The following NAV2 variants were observed in gnomAD, a reference collection of about 807,000 sequenced individuals.
NAV2 encodes neuron navigator 2.
Under a neutral mutation model 223.2 loss-of-function variants are expected in NAV2, and 54 were observed. That is an observed-to-expected ratio of 0.24 (90% confidence interval 0.19 to 0.30). NAV2 has a LOEUF of 0.30. Ranked by LOEUF, NAV2 falls within the 10% of genes least tolerant of loss-of-function variation. The probability of loss-of-function intolerance (pLI) is 1.00; values close to 1 mark genes in which losing one functional copy is unlikely to be tolerated. For synonymous variants in NAV2, 1,279 were observed against 1,239.3 expected (o/e 1.03, Z -0.67); for missense variants, 2,806 against 3,147.5 (o/e 0.89, Z 2.60).
At chr11:19,585,565 G>A (rs1392838301) in intron 1 of NAV2, among the ~76,000 whole-genome samples, 2 of 152,052 alleles carry the variant, frequency 1.3e-5, no homozygotes, top group Non-Finnish European at 2.9e-5. Context: ...CTCTTTTAGG[G>A]CAGGCCTGGT....
intron 1 of NAV2, among the ~76,000 whole-genome samples, chr11:19,682,500 G>A (rs2048907609): frequency 6.6e-6 from 1 of 152,180 alleles, no homozygotes; most frequent in African/African-American, 2.4e-5. Context: ...TGGGAGGCTG[G>A]TATTGTGTCA....
intron 8 of NAV2, among the ~76,000 whole-genome samples, chr11:19,943,665 T>G (rs986814566): frequency 2.6e-5 from 4 of 152,158 alleles, no homozygotes; most frequent in African/African-American, 9.7e-5. Context: ...CTGATGTCAA[T>G]TCTACTTGCT....
At chr11:19,767,765 C>T (rs1397086803) in intron 1 of NAV2, among the ~76,000 whole-genome samples, 1 of 152,206 alleles carries the variant, frequency 6.6e-6, no homozygotes, top group Admixed American at 6.5e-5. Flanking sequence ...ACATATTTTC[C>T]AGGGAAGACC....
chr11:20,094,061 G>A (rs1373897973), intron 29 of NAV2, among the ~76,000 whole-genome samples: 2 of 152,152 alleles, frequency 1.3e-5, no homozygotes, highest in African/African-American at 2.4e-5. Flanking sequence ...TCAGCTTTGC[G>A]GCTGGCTTGC....
chr11:19,589,268 A>G (rs956630669), intron 1 of NAV2, among the ~76,000 whole-genome samples: 13 of 152,206 alleles, frequency 8.5e-5, no homozygotes, highest in Admixed American at 3.9e-4. Flanking sequence ...CGAACAAACA[A>G]AAAAAACCTC....
chr11:19,644,008 T>G (rs912988482), intron 1 of NAV2, among the ~76,000 whole-genome samples: 1 of 152,244 alleles, frequency 6.6e-6, no homozygotes, highest in Non-Finnish European at 1.5e-5. Context: ...ATAAGTATCT[T>G]GGGTTAGTAA....
chr11:19,520,017 CTCTT>C (rs1323387952), intron 1 of NAV2: 11 of 152,354 alleles, frequency 7.2e-5, no homozygotes, highest in African/African-American at 2.4e-4. Context: ...GGAGGGATAA[CTCTT>C]TCTCTCTGGC....
At chr11:19,392,879 T>C (rs1849303920) in intron 1 of NAV2, among the ~76,000 whole-genome samples, 1 of 152,218 alleles carries the variant, frequency 6.6e-6, no homozygotes, top group South Asian at 2.1e-4. Context: ...GTTATCTTTC[T>C]TATTTACAAT....
chr11:19,492,336 C>T (rs1297519038), intron 1 of NAV2, among the ~76,000 whole-genome samples: 1 of 151,514 alleles, frequency 6.6e-6, no homozygotes, highest in African/African-American at 2.4e-5. Flanking sequence ...CACAATGAAA[C>T]AAGGTATGCC....
intron 1 of NAV2, among the ~76,000 whole-genome samples, chr11:19,387,376 T>A (rs540731586): frequency 6.0e-4 from 91 of 152,156 alleles, no homozygotes; most frequent in African/African-American, 2.1e-3. Flanking sequence ...GAGAAAGGGC[T>A]GCATAAAGAC....
chr11:19,621,128 A>G (rs2046981025), intron 1 of NAV2, among the ~76,000 whole-genome samples: 1 of 152,184 alleles, frequency 6.6e-6, no homozygotes, highest in African/African-American at 2.4e-5. Context: ...ATCATGATGG[A>G]TAAGCTTTTC....
chr11:19,876,760 C>G (rs564704096), intron 4 of NAV2, among the ~76,000 whole-genome samples: 345 of 151,826 alleles, frequency 2.3e-3, no homozygotes, highest in Non-Finnish European at 4.3e-3. Context: ...CCCTGATCCT[C>G]CAGGTATGCT....
chr11:19,867,634 A>AG (rs1555108913), intron 3 of NAV2, among the ~76,000 whole-genome samples: 2 of 152,150 alleles, frequency 1.3e-5, no homozygotes, highest in Admixed American at 1.3e-4. Flanking sequence ...CCAGATGAGG[A>AG]CCTTGAAGTG....
rs557853550 is a variant in NAV2 at position 20,121,445 on chromosome 11, T to C, written c.*3187T>C. 6.5e-6 allele frequency: 1 copy of C among 152,678 alleles called. No homozygotes were observed. The highest frequency in any genetic ancestry group is 2.1e-4 in the South Asian group (1 of 4,820). The allele number at this position is 152,678 out of a possible 1,614,324, so 9.5% of individuals were successfully genotyped here. A position where few individuals can be genotyped will look rare whatever the true frequency, so the allele number is the denominator to read the frequency against. Reference sequence around the variant, plus strand: ...CCCCTTCCTCCTCCCCTCCTCTCTCTCTCTTCCTACCTATTTAATTTTCAT... The same window carrying C: ...CCCCTTCCTCCTCCCCTCCTCTCTCCCTCTTCCTACCTATTTAATTTTCAT... On this transcript the variant is annotated 3_prime_UTR_variant, in exon 38 of 38. Coordinates refer to ENST00000349880, the MANE Select transcript of NAV2 (RefSeq NM_145117.5).
At chr11:19,425,651 A>C (rs1850797981) in intron 1 of NAV2, among the ~76,000 whole-genome samples, 1 of 152,236 alleles carries the variant, frequency 6.6e-6, no homozygotes, top group African/African-American at 2.4e-5. Flanking sequence ...GGTTCAGTGC[A>C]ACTTCCATTA....
intron 1 of NAV2, among the ~76,000 whole-genome samples, chr11:19,819,417 G>A (rs1019531816): frequency 2.6e-5 from 4 of 152,210 alleles, no homozygotes. Flanking sequence ...ACAGAGGCTG[G>A]GGAGCCTGTC....
intron 26 of NAV2, among the ~76,000 whole-genome samples, chr11:20,084,093 G>T (rs1174753912): frequency 6.6e-6 from 1 of 152,118 alleles, no homozygotes; most frequent in African/African-American, 2.4e-5. Flanking sequence ...CCTTCTTTTG[G>T]TTTTGGTTTT....
chr11:19,695,105 A>AT, intron 1 of NAV2, among the ~76,000 whole-genome samples: 1 of 152,310 alleles, frequency 6.6e-6, no homozygotes, highest in East Asian at 1.9e-4. Context: ...AGAACACCTG[A>AT]TTAGGGGATC....
intron 6 of NAV2, among the ~76,000 whole-genome samples, chr11:19,921,137 G>T (rs10833194): frequency 0.33 from 49,685 of 152,140 alleles, 10,196 homozygotes; most frequent in Non-Finnish European, 0.46. Context: ...GCTGTGTGTG[G>T]ATCAGTCACA....
Sources: allele counts gnomAD v4.1 joint callset (sites outside exome capture counted in the v4.1 genomes callset), GRCh38; gene constraint gnomAD v4.1.1; transcripts MANE v1.5; gene names NCBI Gene and HGNC (gene_info 2026-07-23, HGNC 2026-07-21).